Variants in ANKRD13C observed in about 807,000 individuals in gnomAD.
ANKRD13C encodes the protein ankyrin repeat domain-containing protein 13C.
Under a neutral mutation model 65.5 loss-of-function variants are expected in ANKRD13C, and 16 were observed. The ratio of observed to expected loss-of-function variants is 0.24; its 90% CI spans 0.17 to 0.37. The LOEUF (loss-of-function observed/expected upper bound fraction) is 0.37. ANKRD13C is among the 10% of genes least tolerant of loss of function. The pLI is 1.00. For synonymous variants in ANKRD13C, 235 were observed against 238.7 expected, an observed-to-expected ratio of 0.98 and a Z score of 0.14; for missense variants, 503 against 655.9, an observed-to-expected ratio of 0.77 and a Z score of 2.55.
intron 3 of ANKRD13C, among the ~76,000 whole-genome samples, chr1:70,320,399 T>C (rs915353766): frequency 1.3e-5 from 2 of 151,934 alleles, no homozygotes; most frequent in Admixed American, 1.3e-4. Context: ...AGTGGCACAA[T>C]GTCAGCTCAC....
intron 1 of ANKRD13C, among the ~76,000 whole-genome samples, chr1:70,337,030 A>G (rs1287829732): frequency 1.3e-5 from 2 of 152,132 alleles, no homozygotes; most frequent in African/African-American, 4.8e-5. Flanking sequence ...TCATCACATT[A>G]ACAATTACGA....
chr1:70,320,479 G>A (rs770978154), intron 3 of ANKRD13C, among the ~76,000 whole-genome samples: 5 of 151,534 alleles, frequency 3.3e-5, no homozygotes, highest in African/African-American at 9.7e-5. Flanking sequence ...GGCCACATAC[G>A]CACATCACCA....
In ANKRD13C at chr1:70,262,452, C is replaced by G; in HGVS notation, c.*265G>C. 4.9e-6 allele frequency: 1 copy of G among 203,226 alleles called. No individual in the cohort carries two copies. The highest frequency in any genetic ancestry group is 1.0e-5 in the Non-Finnish European group (1 of 99,956). The allele number at this position is 203,226 out of a possible 1,614,324, so 12.6% of individuals were successfully genotyped here. ...CAAATCACAGCACTCATAGCTGCTT[C>G]ACATACGCAGGTCTTAGGGTCATTA... On this transcript the variant is annotated 3_prime_UTR_variant, in exon 13 of 13. Coordinates refer to ENST00000370944, the MANE Select transcript of ANKRD13C (RefSeq NM_030816.5).
intron 8 of ANKRD13C, 135 bp downstream of exon 8, chr1:70,295,995 C>T: frequency 2.1e-6 from 2 of 947,942 alleles, no homozygotes; most frequent in Non-Finnish European, 3.0e-6. Context: ...AATTCCTTAT[C>T]TGGATTCAAG....
In ANKRD13C at chr1:70,272,311, C is replaced by T. The variant is rs537722704; in HGVS notation, c.1395-1355G>A. Among the ~76,000 whole-genome samples, 20 of 151,922 alleles carry T rather than the reference C, an allele frequency of 1.3e-4. No individual in the cohort carries two copies. In the South Asian group the frequency reaches 1.5e-3, roughly 11 times the overall value. On this transcript the variant is annotated intron_variant, in intron 11 of 12. Transcript: ENST00000370944. ...CGTGATGTCGGCTCAACGCAAACTC[C>T]GCCTCCCGGGTTCAAGTGATTGTCT...
rs184589484 is a variant in ANKRD13C, at chr1:70,335,309, C to T, written c.472+749G>A. On this transcript the variant is annotated intron_variant, in intron 2 of 12. Coordinates refer to ENST00000370944, the MANE Select transcript of ANKRD13C (RefSeq NM_030816.5). The stretch of plus-strand genomic sequence containing the variant: ...TAGTCCCAGCTACTCAGGAGGCTGA[C>T]GCAGGAGAATTGCTTAAACCTGGGA... 2.1e-4 allele frequency among the ~76,000 whole-genome samples: 31 copies of T among 150,292 alleles called. No individual in the cohort carries two copies. In the East Asian group the frequency reaches 4.2e-3, roughly 20 times the overall value.
intron 9 of ANKRD13C, among the ~76,000 whole-genome samples, chr1:70,284,273 AT>A (rs1301949942): frequency 6.6e-6 from 1 of 152,140 alleles, no homozygotes; most frequent in Non-Finnish European, 1.5e-5. Context: ...ATAGACATTT[AT>A]TTTTAAGAAT....
chr1:70,337,371 A>C lies in ANKRD13C; in HGVS notation c.431-1272T>G, dbSNP rs777360381. ...GTGGCAGGCAGATCACCCGAGGTCA[A>C]GAGTTCAAGACCAGCCTGGCCAACA... On this transcript the variant is annotated intron_variant, in intron 1 of 12. Coordinates refer to ENST00000370944, the MANE Select transcript of ANKRD13C (RefSeq NM_030816.5). Among the ~76,000 whole-genome samples the C allele has an allele frequency of 2.3e-4, 35 of 151,954 alleles. No homozygotes were observed. The Middle Eastern group carries it at 0.01, about 44-fold the overall frequency.
chr1:70,343,942 G>A (rs996635386), intron 1 of ANKRD13C, among the ~76,000 whole-genome samples: 12 of 152,126 alleles, frequency 7.9e-5, no homozygotes, highest in African/African-American at 2.7e-4. Flanking sequence ...TTGAGCCCAA[G>A]GAATTCAACA....
rs764128954 is a variant in ANKRD13C at position 70,353,919 on chromosome 1, G to A, written c.430+60C>T. 9 of 1,450,762 alleles carry A rather than the reference G, an allele frequency of 6.2e-6. No homozygotes were observed. In the African/African-American group the frequency reaches 8.5e-5, roughly 14 times the overall value. The allele number at this position is 1,450,762 out of a possible 1,614,324, so 89.9% of individuals were successfully genotyped here. On this transcript the variant is annotated intron_variant, in intron 1 of 12. Transcript: ENST00000370944. Reference sequence around the variant, plus strand: ...AGGGGGCCTAGGATTCCAGAAGCCTGGGGAGGCACACCCTAGGCTCGGGGA... The same window carrying A: ...AGGGGGCCTAGGATTCCAGAAGCCTAGGGAGGCACACCCTAGGCTCGGGGA...
chr1:70,309,237 C>T (rs1337170648), intron 5 of ANKRD13C, among the ~76,000 whole-genome samples: 1 of 151,406 alleles, frequency 6.6e-6, no homozygotes, highest in Non-Finnish European at 1.5e-5. Context: ...CCATGTCCAC[C>T]TAATTTTTGT....
In ANKRD13C at chr1:70,275,504, CT is replaced by C. The variant is rs994279511; in HGVS notation, c.1296-687del. On this transcript the variant is annotated intron_variant, in intron 10 of 12. Coordinates refer to ENST00000370944, the MANE Select transcript of ANKRD13C (RefSeq NM_030816.5). The stretch of plus-strand genomic sequence containing the variant: ...GTTGACTCAGGTTGCCTGGAATGTC[CT>C]TTTTTTTTTTTCATTTTAAACTGGC... Among the ~76,000 whole-genome samples the C allele has an allele frequency of 1.4e-3, 196 of 141,012 alleles. 1 individual carries two copies. Among genetic ancestry groups the C allele is most frequent in the South Asian group, 7.9e-3 (35 of 4,416 alleles). 92.5% of individuals were successfully genotyped at this position (141,012 alleles called of 152,430 possible).
intron 9 of ANKRD13C, among the ~76,000 whole-genome samples, chr1:70,287,451 G>A (rs1171321425): frequency 6.6e-6 from 1 of 151,874 alleles, no homozygotes; most frequent in African/African-American, 2.4e-5. Context: ...ACTCAAAATG[G>A]TCATTTCCTT....
intron 5 of ANKRD13C, among the ~76,000 whole-genome samples, chr1:70,312,236 C>T (rs999152478): frequency 1.3e-5 from 2 of 152,166 alleles, no homozygotes; most frequent in Non-Finnish European, 2.9e-5. Context: ...GCTGAATTTG[C>T]AAACCCAAGT....
chr1:70,304,437 C>T (rs1214045282), intron 6 of ANKRD13C, among the ~76,000 whole-genome samples: 1 of 152,002 alleles, frequency 6.6e-6, no homozygotes. Flanking sequence ...TACTCTGTTG[C>T]CCAGGCTAAA....
intron 12 of ANKRD13C, among the ~76,000 whole-genome samples, chr1:70,264,475 CAAAAAAAAAAAAAAAA>C (rs57312096): frequency 4.1e-5 from 2 of 48,930 alleles, no homozygotes; most frequent in Non-Finnish European, 8.3e-5. Context: ...GACTCTATCT[CAAAAAAAAAAAAAAAA>C]AAAAAAAAAA....
At position 70,262,706 on chromosome 1, in the gene ANKRD13C, T is replaced by C. The variant is rs1678434829; in HGVS notation, c.*11A>G. On this transcript the variant is annotated 3_prime_UTR_variant, in exon 13 of 13. Transcript: ENST00000370944. ...CTTTCCTTGGTTAGACGGCATCCTT[T>C]TCCACGTCAGTTAAAGATCAGGAAA... 8.1e-6 allele frequency: 13 copies of C among 1,610,696 alleles called. No homozygotes were observed. The highest frequency in any genetic ancestry group is 1.7e-5 in the Admixed American group (1 of 59,884).
intron 12 of ANKRD13C, among the ~76,000 whole-genome samples, chr1:70,266,160 A>C (rs1678622437): frequency 6.6e-6 from 1 of 152,142 alleles, no homozygotes; most frequent in Non-Finnish European, 1.5e-5. Context: ...CCCCTTCTGT[A>C]GTCCCTGGCA....
intron 9 of ANKRD13C, among the ~76,000 whole-genome samples, chr1:70,291,037 T>C (rs1347613141): frequency 1.5e-5 from 2 of 136,988 alleles, no homozygotes; most frequent in African/African-American, 3.2e-5. Context: ...ATCTGGGAAA[T>C]TTTTTTTTTT....
Sources: gnomAD v4.1 joint callset for allele counts (sites outside exome capture counted in the v4.1 genomes callset) on GRCh38, gnomAD v4.1.1 for gene constraint, MANE v1.5 for transcripts, NCBI Gene and HGNC (gene_info 2026-07-23, HGNC 2026-07-21) for gene names.